The following PXDNL variants were observed in gnomAD, a reference collection of about 807,000 sequenced individuals.
PXDNL encodes the protein peroxidasin like.
A neutral mutation model predicts 150.8 loss-of-function variants in PXDNL; 145 were observed. The observed-to-expected ratio is 0.96, with a 90% CI of 0.84 to 1.10. The LOEUF (loss-of-function observed/expected upper bound fraction) is 1.10, where lower values mean the gene tolerates loss of function less well. Among genes scored for constraint, PXDNL ranks in the 50% least tolerant of loss-of-function variants. The pLI, the probability that PXDNL is intolerant of heterozygous loss-of-function variation, is 0.00. For synonymous variants in PXDNL, 757 were observed against 725.7 expected, an observed-to-expected ratio of 1.04 and a Z score of -0.69; for missense variants, 2,087 against 1,873.9, an observed-to-expected ratio of 1.11 and a Z score of -2.10.
intron 3 of PXDNL, among the ~76,000 whole-genome samples, chr8:51,571,111 TCAGATAAGC>T (rs1371375685): frequency 6.6e-6 from 1 of 151,594 alleles, no homozygotes; most frequent in South Asian, 2.1e-4. Context: ...AAAAAAATTG[TCAGATAAGC>T]CAATGACAGT....
intron 5 of PXDNL, among the ~76,000 whole-genome samples, chr8:51,499,358 T>G (rs1008780744): frequency 2.6e-5 from 4 of 152,160 alleles, no homozygotes; most frequent in Non-Finnish European, 4.4e-5. Flanking sequence ...ATCGAACTCC[T>G]GAACTCAGGT....
intron 3 of PXDNL, among the ~76,000 whole-genome samples, chr8:51,557,990 T>C (rs988463753): frequency 2.0e-5 from 3 of 152,132 alleles, no homozygotes; most frequent in African/African-American, 7.2e-5. Context: ...AATTGATACT[T>C]CAGAAGATTT....
At chr8:51,696,892 TGCAACA>T (rs1340475474) in intron 1 of PXDNL, among the ~76,000 whole-genome samples, 1 of 4,018 alleles carries the variant, frequency 2.5e-4, no homozygotes, top group African/African-American at 6.2e-4. Flanking sequence ...CATTCTACTC[TGCAACA>T]GCCTTTGCTG....
intron 5 of PXDNL, among the ~76,000 whole-genome samples, chr8:51,486,162 A>T (rs957739949): frequency 6.6e-6 from 1 of 152,234 alleles, no homozygotes; most frequent in Non-Finnish European, 1.5e-5. Flanking sequence ...GAAAGATATT[A>T]TCTATTTTCC....
Position 51,468,447 on chromosome 8 carries a change from A to ATATATTTGTTTACCTAT in PXDNL, c.812+3723_812+3739dup, listed in dbSNP as rs541467544. On this transcript the variant is annotated intron_variant, in intron 8 of 22. Transcript: ENST00000356297. Reference sequence around the variant, plus strand: ...TATCTTGATCAGTATAACTTGGTTGATATATTTGTTTACCTATCGACTTTC... The same window carrying ATATATTTGTTTACCTAT: ...TATCTTGATCAGTATAACTTGGTTGATATATTTGTTTACCTATTATATTTGTTTACCTATCGACTTTC... 3.8e-4 allele frequency among the ~76,000 whole-genome samples: 57 copies of ATATATTTGTTTACCTAT among 151,916 alleles called. No individual in the cohort carries two copies. In the East Asian group the frequency reaches 9.3e-3, roughly 25 times the overall value.
At chr8:51,522,572 G>A (rs983405129) in intron 4 of PXDNL, among the ~76,000 whole-genome samples, 23 of 152,136 alleles carry the variant, frequency 1.5e-4, no homozygotes, top group African/African-American at 2.2e-4. Context: ...AGGCCGGGGC[G>A]GTGGCTCTCG....
intron 2 of PXDNL, among the ~76,000 whole-genome samples, chr8:51,612,002 C>T (rs1814016572): frequency 1.3e-5 from 2 of 152,230 alleles, no homozygotes; most frequent in Admixed American, 6.5e-5. Flanking sequence ...ACCTGGGTCA[C>T]TCTGCTATGC....
At chr8:51,806,766 C>G (rs1243924943) in intron 1 of PXDNL, among the ~76,000 whole-genome samples, 1 of 152,130 alleles carries the variant, frequency 6.6e-6, no homozygotes, top group African/African-American at 2.4e-5. Context: ...GAAACTATGG[C>G]CCAAATCCCC....
At chr8:51,494,753 A>G (rs1416598474) in intron 5 of PXDNL, among the ~76,000 whole-genome samples, 2 of 152,050 alleles carry the variant, frequency 1.3e-5, no homozygotes, top group African/African-American at 4.8e-5. Context: ...ATATGCACCC[A>G]ATACAGGAGC....
chr8:51,662,753 T>C (rs1323891082), intron 1 of PXDNL, among the ~76,000 whole-genome samples: 2 of 152,074 alleles, frequency 1.3e-5, no homozygotes, highest in African/African-American at 4.8e-5. Flanking sequence ...CCAATCCCCC[T>C]CAGATACCAA....
intron 3 of PXDNL, among the ~76,000 whole-genome samples, chr8:51,558,267 C>G (rs1346422162): frequency 2.0e-5 from 3 of 151,958 alleles, no homozygotes; most frequent in Admixed American, 6.6e-5. Flanking sequence ...AATGATGGGT[C>G]CAGGGTACAG....
intron 15 of PXDNL, among the ~76,000 whole-genome samples, chr8:51,411,976 A>G (rs1284554860): frequency 2.0e-5 from 3 of 152,140 alleles, no homozygotes; most frequent in African/African-American, 7.2e-5. Context: ...TTGCTGACAT[A>G]TTGTCTCCTC....
At chr8:51,451,172 T>C (rs1809800906) in intron 10 of PXDNL, among the ~76,000 whole-genome samples, 1 of 151,610 alleles carries the variant, frequency 6.6e-6, no homozygotes, top group South Asian at 2.1e-4. Context: ...TTAATAACTT[T>C]AATAATAATT....
intron 21 of PXDNL, among the ~76,000 whole-genome samples, chr8:51,330,832 A>G (rs1805660012): frequency 1.3e-5 from 2 of 152,222 alleles, no homozygotes. Context: ...TCATTAAAAT[A>G]TCATCTAAAC....
chr8:51,583,934 GA>G (rs1813266294), intron 3 of PXDNL, among the ~76,000 whole-genome samples: 1 of 152,184 alleles, frequency 6.6e-6, no homozygotes, highest in Non-Finnish European at 1.5e-5. Context: ...AGACGTATAG[GA>G]AGGCTGGATG....
rs60771976 is a variant in PXDNL, at chr8:51,579,606, T to C, written c.308+13021A>G. On this transcript the variant is annotated intron_variant, in intron 3 of 22. Coordinates refer to ENST00000356297, the MANE Select transcript of PXDNL (RefSeq NM_144651.5). ...ACTCCAGGATGTTTATTCTAAAGAA[T>C]AAAAAATTTAAATTCACCCAAAAAT... is the stretch of plus-strand genomic sequence containing the variant. Among the ~76,000 whole-genome samples, 7 of 152,122 alleles carry C rather than the reference T, an allele frequency of 4.6e-5. No individual in the cohort carries two copies. The East Asian group carries it at 1.2e-3, about 25-fold the overall frequency.
chr8:51,474,618 A>G (rs1191548430), intron 7 of PXDNL, among the ~76,000 whole-genome samples: 1 of 152,230 alleles, frequency 6.6e-6, no homozygotes, highest in Non-Finnish European at 1.5e-5. Flanking sequence ...CCCCTAAATT[A>G]CTGATTATTA....
At chr8:51,450,229 G>A (rs200235969) in intron 10 of PXDNL, among the ~76,000 whole-genome samples, 1 of 152,174 alleles carries the variant, frequency 6.6e-6, no homozygotes, top group African/African-American at 2.4e-5. Flanking sequence ...ACAACCAGGG[G>A]TCACTGTCAT....
chr8:51,632,964 C>A (rs1814522967), intron 2 of PXDNL, among the ~76,000 whole-genome samples: 1 of 151,902 alleles, frequency 6.6e-6, no homozygotes, highest in Non-Finnish European at 1.5e-5. Flanking sequence ...CTGGGTGATG[C>A]TGAGTTTTGG....
Sources: allele counts gnomAD v4.1 joint callset (sites outside exome capture counted in the v4.1 genomes callset), GRCh38; gene constraint gnomAD v4.1.1; transcripts MANE v1.5; gene names NCBI Gene and HGNC (gene_info 2026-07-23, HGNC 2026-07-21).